The following BHLHE22 variants were observed in gnomAD, a reference collection of about 807,000 sequenced individuals.
The protein encoded by BHLHE22 is class E basic helix-loop-helix protein 22.
Under a neutral mutation model 17.6 loss-of-function variants are expected in BHLHE22, and 8 were observed. The ratio of observed to expected loss-of-function variants is 0.45; its 90% CI spans 0.27 to 0.82. The LOEUF is 0.82. Ranked by LOEUF, BHLHE22 falls within the 40% of genes least tolerant of loss-of-function variation. The probability of loss-of-function intolerance (pLI) is 0.16; values close to 1 mark genes in which losing one functional copy is unlikely to be tolerated. For missense variants in BHLHE22, 570 were observed against 581.5 expected, an observed-to-expected ratio of 0.98 and a Z score of 0.20; for synonymous variants, 353 against 282.7, an observed-to-expected ratio of 1.25 and a Z score of -2.49.
Position 64,580,477 on chromosome 8 carries a change from AGCG to A in BHLHE22, c.-299_-297del, listed in dbSNP as rs578248465. Reference sequence around the variant, plus strand: ...AGAGGAGGCGCGGGGCTGGGCTCAGAGCGGCGGCGGCGGCGGCTCCACTCCCTC... The same window carrying A: ...AGAGGAGGCGCGGGGCTGGGCTCAGAGCGGCGGCGGCGGCTCCACTCCCTC... On this transcript the variant is annotated 5_prime_UTR_variant, in exon 1 of 1. Coordinates refer to ENST00000321870, the MANE Select transcript of BHLHE22 (RefSeq NM_152414.5). The A allele has an allele frequency of 1.9e-3, 302 of 155,892 alleles. 3 individuals are homozygous for A. Among genetic ancestry groups the A allele is most frequent in the Admixed American group, 0.017 (263 of 15,302 alleles). 9.7% of individuals were successfully genotyped at this position (155,892 alleles called of 1,614,324 possible).
rs1804916715 is a variant in BHLHE22 at position 64,582,346 on chromosome 8, C to G, written c.*410C>G. On this transcript the variant is annotated 3_prime_UTR_variant, in exon 1 of 1. Coordinates refer to ENST00000321870, the MANE Select transcript of BHLHE22 (RefSeq NM_152414.5). ...ATCCTACTAATAATTGTGGATTTGG[C>G]TAGTGCTGAGGGGGAGAGGAGGGGT... The G allele has an allele frequency of 8.1e-6, 2 of 245,682 alleles. No individual in the cohort carries two copies. The highest frequency in any genetic ancestry group is 1.7e-5 in the Non-Finnish European group (2 of 121,046). 15.2% of individuals were successfully genotyped at this position (245,682 alleles called of 1,614,324 possible).
chr8:64,582,087 A>C lies in BHLHE22; in HGVS notation c.*151A>C. 1 of 964,604 alleles carries C rather than the reference A, an allele frequency of 1.0e-6. No individual in the cohort carries two copies. Among genetic ancestry groups the C allele is most frequent in the Non-Finnish European group, 1.5e-6 (1 of 652,516 alleles). The allele number at this position is 964,604 out of a possible 1,614,324, so 59.8% of individuals were successfully genotyped here. On this transcript the variant is annotated 3_prime_UTR_variant, in exon 1 of 1. Coordinates refer to ENST00000321870, the MANE Select transcript of BHLHE22 (RefSeq NM_152414.5). ...AGAACTGAGGAGAAGTATCAGAGAC[A>C]AACGGGACTTTTAGCCTTGACATCC...
At position 64,581,742 on chromosome 8, in the gene BHLHE22, G is replaced by T; in HGVS notation, c.952G>T (p.Ala318Ser). ...AYLNQGQAIS[A>S]ASLPSSAAAA... The stretch of plus-strand genomic sequence containing the variant: ...CCTCAACCAGGGCCAGGCCATCTCG[G>T]CTGCCTCCCTGCCCAGCTCGGCGGC... Residue 318 changes from alanine to serine, a missense_variant, in exon 1 of 1, where the codon GCT (alanine) becomes TCT (serine). Transcript: ENST00000321870. This position sits in a 1 kb window ranked among gnomAD's most constrained non-coding sequence, Gnocchi z 6.4. 1 of 1,601,150 alleles carries T rather than the reference G, an allele frequency of 6.2e-7. No individual in the cohort carries two copies. Among genetic ancestry groups the T allele is most frequent in the Non-Finnish European group, 8.5e-7 (1 of 1,175,600 alleles).
Position 64,581,865 on chromosome 8 carries a change from T to G in BHLHE22, c.1075T>G (p.Cys359Gly). ...FSAGLPPAAS[C>G]PEKCALFNSV... is the part of the protein sequence containing the mutation. ...CGCCGGACTGCCCCCGGCTGCCTCC[T>G]GCCCGGAGAAGTGCGCCCTGTTTAA... Residue 359 changes from cysteine to glycine, a missense_variant, in exon 1 of 1, where the codon TGC becomes GGC. Physicochemically the swap from Cys to Gly is radical, Grantham distance 159. Transcript: ENST00000321870. The surrounding 1 kb of genome is among the most constrained non-coding windows in gnomAD (Gnocchi z 6.4). The G allele has an allele frequency of 6.2e-7, 1 of 1,609,068 alleles. No individual in the cohort carries two copies. Among genetic ancestry groups the G allele is most frequent in the Non-Finnish European group, 8.5e-7 (1 of 1,179,534 alleles).
chr8:64,581,550 C>A lies in BHLHE22; in HGVS notation c.760C>A (p.Arg254=). Residue 254 remains arginine, a synonymous_variant, in exon 1 of 1, where the codon CGG becomes AGG. Transcript: ENST00000321870. This position sits in a 1 kb window ranked among gnomAD's most constrained non-coding sequence, Gnocchi z 6.4. The part of the protein sequence containing the change: ...RLNINARERR[R]MHDLNDALDE... ...TAACATCAATGCCCGAGAGCGCCGGCGGATGCACGACCTGAACGACGCGCT... is the reference window on the plus strand; with the variant it reads ...TAACATCAATGCCCGAGAGCGCCGGAGGATGCACGACCTGAACGACGCGCT... 1.2e-6 allele frequency: 2 copies of A among 1,610,568 alleles called. No individual in the cohort carries two copies. The highest frequency in any genetic ancestry group is 1.3e-5 in the African/African-American group (1 of 75,056).
chr8:64,581,627 G>A lies in BHLHE22; in HGVS notation c.837G>A (p.Lys279=). The change falls in exon 1 of 1, where the codon AAG becomes AAA. Residue 279 remains lysine, a synonymous_variant. Transcript: ENST00000321870. The surrounding 1 kb of genome is among the most constrained non-coding windows in gnomAD (Gnocchi z 6.4). The part of the protein sequence containing the change: ...IPYAHSPSVR[K]LSKIATLLLA... ...ACGCGCACAGCCCCTCGGTGCGAAA[G>A]CTCTCCAAGATCGCCACGCTGCTGC... The A allele has an allele frequency of 1.2e-6, 2 of 1,613,298 alleles. No homozygotes were observed. The highest frequency in any genetic ancestry group is 1.7e-6 in the Non-Finnish European group (2 of 1,179,874).
rs780535265 is a variant in BHLHE22 at position 64,581,756 on chromosome 8, C to T, written c.966C>T (p.Pro322=). The T allele has an allele frequency of 5.9e-5, 94 of 1,597,838 alleles. No individual in the cohort carries two copies. Among genetic ancestry groups the T allele is most frequent in the Admixed American group, 1.9e-4 (11 of 58,568 alleles). Residue 322 remains proline (P), a synonymous_variant, in exon 1 of 1, where the codon CCC becomes CCT. Coordinates refer to ENST00000321870, the MANE Select transcript of BHLHE22 (RefSeq NM_152414.5). This position sits in a 1 kb window ranked among gnomAD's most constrained non-coding sequence, Gnocchi z 6.4. ...QGQAISAASL[P]SSAAAAAAAA... ...AGGCCATCTCGGCTGCCTCCCTGCC[C>T]AGCTCGGCGGCTGCAGCGGCAGCAG...
rs1554581651 is a variant in BHLHE22, at chr8:64,581,463, G to GGCAGCGGCA, written c.678_679insGGCAGCAGC (p.Ser226_Ser227insGlySerSer). 1 of 1,450,642 alleles carries GGCAGCGGCA rather than the reference G, an allele frequency of 6.9e-7. No homozygotes were observed. The highest frequency in any genetic ancestry group is 1.5e-5 in the African/African-American group (1 of 68,722). The allele number at this position is 1,450,642 out of a possible 1,614,324, so 89.9% of individuals were successfully genotyped here. A position where few individuals can be genotyped will look rare whatever the true frequency, so the allele number is the denominator to read the frequency against. Reference sequence around the variant, plus strand: ...TGGCGGTAGCGGTAGCGGCAGCGGCGGCAGCAGCAGCAGCAGCAGCAGCAG... The same window carrying GGCAGCGGCA: ...TGGCGGTAGCGGTAGCGGCAGCGGCGGCAGCGGCAGCAGCAGCAGCAGCAGCAGCAGCAG... On this transcript the variant is annotated inframe_insertion, in exon 1 of 1. Transcript: ENST00000321870. This position sits in a 1 kb window ranked among gnomAD's most constrained non-coding sequence, Gnocchi z 6.4.
At position 64,582,299 on chromosome 8, in the gene BHLHE22, G is replaced by GT; in HGVS notation, c.*364dup. ...AGTGCTTGGTTATTAAGCCTGGAGAGTGTTTGAATGGCAAAATACTAATCC... is the reference window on the plus strand; with the variant it reads ...AGTGCTTGGTTATTAAGCCTGGAGAGTTGTTTGAATGGCAAAATACTAATCC... On this transcript the variant is annotated 3_prime_UTR_variant, in exon 1 of 1. Coordinates refer to ENST00000321870, the MANE Select transcript of BHLHE22 (RefSeq NM_152414.5). 3.1e-6 allele frequency: 1 copy of GT among 322,900 alleles called. No individual in the cohort carries two copies. Among genetic ancestry groups the GT allele is most frequent in the Non-Finnish European group, 6.0e-6 (1 of 166,302 alleles). The allele number at this position is 322,900 out of a possible 1,614,324, so 20.0% of individuals were successfully genotyped here.
rs1804895750 is a variant in BHLHE22 at position 64,581,400 on chromosome 8, G to A, written c.610G>A (p.Gly204Ser). The A allele has an allele frequency of 6.6e-7, 1 of 1,526,142 alleles. No individual in the cohort carries two copies. The highest frequency in any genetic ancestry group is 8.8e-7 in the Non-Finnish European group (1 of 1,142,298). The allele number at this position is 1,526,142 out of a possible 1,614,324, so 94.5% of individuals were successfully genotyped here. A position where few individuals can be genotyped will look rare whatever the true frequency, so the allele number is the denominator to read the frequency against. ...CCCCCCGGGGGGCCTGGGCGGCGGC[G>A]GCGGCGGGGGTAGCAGCAGCGGTAG... ...SVPPGGLGGG[G>S]GGGSSSGSSG... The change falls in exon 1 of 1, where the codon GGC becomes AGC. Residue 204 changes from glycine to serine, a missense_variant. Physicochemically the swap from Gly to Ser is moderately conservative, Grantham distance 56. This residue lies in a region of BHLHE22 where 427 missense variants were observed against 376.2 expected (regional missense o/e 1.14). Coordinates refer to ENST00000321870, the MANE Select transcript of BHLHE22 (RefSeq NM_152414.5). The surrounding 1 kb of genome is among the most constrained non-coding windows in gnomAD (Gnocchi z 6.4).
In BHLHE22 at chr8:64,580,986, G is replaced by A. The variant is rs904962255; in HGVS notation, c.196G>A (p.Glu66Lys). 2 of 1,359,748 alleles carry A rather than the reference G, an allele frequency of 1.5e-6. No homozygotes were observed. Among genetic ancestry groups the A allele is most frequent in the South Asian group, 3.9e-5 (2 of 51,410 alleles). The allele number at this position is 1,359,748 out of a possible 1,614,324, so 84.2% of individuals were successfully genotyped here. ...CTCCTCGTCGCCCCTGGGCTGCTTC[G>A]AGCCGGCTGACCCCGAGGGGGCAGG... Reference protein sequence around the residue: ...SSSSSPLGCFEPADPEGAGLL... With the variant: ...SSSSSPLGCFKPADPEGAGLL... Residue 66 changes from glutamate (E) to lysine (K), a missense_variant, in exon 1 of 1, where the codon GAG becomes AAG. Physicochemically the swap from Glu to Lys is moderately conservative, Grantham distance 56 (BLOSUM62 1). Coordinates refer to ENST00000321870, the MANE Select transcript of BHLHE22 (RefSeq NM_152414.5).
chr8:64,581,655 G>T lies in BHLHE22; in HGVS notation c.865G>T (p.Ala289Ser), dbSNP rs1804905209. The part of the protein sequence containing the change: ...KLSKIATLLL[A>S]KNYILMQAQA... Reference sequence around the variant, plus strand: ...CTCCAAGATCGCCACGCTGCTGCTCGCCAAGAACTACATCCTCATGCAGGC... The same window carrying T: ...CTCCAAGATCGCCACGCTGCTGCTCTCCAAGAACTACATCCTCATGCAGGC... Residue 289 changes from alanine (A) to serine (S), a missense_variant, in exon 1 of 1, where the codon GCC (alanine) becomes TCC (serine). Coordinates refer to ENST00000321870, the MANE Select transcript of BHLHE22 (RefSeq NM_152414.5). This position sits in a 1 kb window ranked among gnomAD's most constrained non-coding sequence, Gnocchi z 6.4. 2 of 1,612,936 alleles carry T rather than the reference G, an allele frequency of 1.2e-6. No homozygotes were observed. The highest frequency in any genetic ancestry group is 1.7e-6 in the Non-Finnish European group (2 of 1,179,818).
At position 64,582,071 on chromosome 8, in the gene BHLHE22, G is replaced by A. The variant is rs1182147198; in HGVS notation, c.*135G>A. 2.9e-6 allele frequency: 3 copies of A among 1,019,436 alleles called. No individual in the cohort carries two copies. The highest frequency in any genetic ancestry group is 3.0e-5 in the South Asian group (2 of 67,278). 63.1% of individuals were successfully genotyped at this position (1,019,436 alleles called of 1,614,324 possible). A position where few individuals can be genotyped will look rare whatever the true frequency, so the allele number is the denominator to read the frequency against. ...AAACAAAGCAGAGGCAAGAACTGAGGAGAAGTATCAGAGACAAACGGGACT... is the reference window on the plus strand; with the variant it reads ...AAACAAAGCAGAGGCAAGAACTGAGAAGAAGTATCAGAGACAAACGGGACT... On this transcript the variant is annotated 3_prime_UTR_variant, in exon 1 of 1. Transcript: ENST00000321870.
Position 64,581,225 on chromosome 8 carries a change from G to A in BHLHE22, c.435G>A (p.Glu145=), listed in dbSNP as rs1804890866. The part of the protein sequence containing the change: ...RGSVAESSGG[E]QSPDDDSDGR... ...CGGTGGCCGAGAGCAGCGGCGGCGA[G>A]CAGAGCCCCGACGACGACAGCGACG... Residue 145 remains glutamate, a synonymous_variant, in exon 1 of 1, where the codon GAG becomes GAA. Transcript: ENST00000321870. This position sits in a 1 kb window ranked among gnomAD's most constrained non-coding sequence, Gnocchi z 6.4. The A allele has an allele frequency of 6.9e-7, 1 of 1,455,164 alleles. No homozygotes were observed. Among genetic ancestry groups the A allele is most frequent in the Non-Finnish European group, 9.0e-7 (1 of 1,115,298 alleles). 90.1% of individuals were successfully genotyped at this position (1,455,164 alleles called of 1,614,324 possible). A position where few individuals can be genotyped will look rare whatever the true frequency, so the allele number is the denominator to read the frequency against.
In BHLHE22 at chr8:64,580,853, G is replaced by A; in HGVS notation, c.63G>A (p.Lys21=). 6.7e-7 allele frequency: 1 copy of A among 1,503,656 alleles called. No homozygotes were observed. Among genetic ancestry groups the A allele is most frequent in the Non-Finnish European group, 8.8e-7 (1 of 1,135,168 alleles). 93.1% of individuals were successfully genotyped at this position (1,503,656 alleles called of 1,614,324 possible). A position where few individuals can be genotyped will look rare whatever the true frequency, so the allele number is the denominator to read the frequency against. ...AAGEDDLFLH[K]SLSASTSKRL... ...GCGAGGACGACCTCTTCCTGCACAA[G>A]AGCCTGAGCGCCTCCACCTCCAAGC... Residue 21 remains lysine, a synonymous_variant, in exon 1 of 1, where the codon AAG becomes AAA. Coordinates refer to ENST00000321870, the MANE Select transcript of BHLHE22 (RefSeq NM_152414.5).
chr8:64,581,265 G>C lies in BHLHE22; in HGVS notation c.475G>C (p.Val159Leu). Residue 159 changes from valine to leucine, a missense_variant, in exon 1 of 1, where the codon GTG becomes CTG. Physicochemically the swap from Val to Leu is conservative, Grantham distance 32. This residue lies in a region of BHLHE22 where 427 missense variants were observed against 376.2 expected (regional missense o/e 1.14). Coordinates refer to ENST00000321870, the MANE Select transcript of BHLHE22 (RefSeq NM_152414.5). The surrounding 1 kb of genome is among the most constrained non-coding windows in gnomAD (Gnocchi z 6.4). ...CGACAGCGACGGTCGCTGCGAGCTC[G>C]TGCTGCGGGCCGGAGTAGCCGACCC... ...DDDSDGRCEL[V>L]LRAGVADPRA... 1.4e-6 allele frequency: 2 copies of C among 1,448,174 alleles called. No individual in the cohort carries two copies. Among genetic ancestry groups the C allele is most frequent in the Non-Finnish European group, 1.8e-6 (2 of 1,113,160 alleles). The allele number at this position is 1,448,174 out of a possible 1,614,324, so 89.7% of individuals were successfully genotyped here.
rs543941490 is a variant in BHLHE22, at chr8:64,581,648, G to T, written c.858G>T (p.Leu286=). 7 of 1,613,208 alleles carry T rather than the reference G, an allele frequency of 4.3e-6. No individual in the cohort carries two copies. In the South Asian group the frequency reaches 7.7e-5, roughly 18 times the overall value. ...GAAAGCTCTCCAAGATCGCCACGCT[G>T]CTGCTCGCCAAGAACTACATCCTCA... ...SVRKLSKIAT[L]LLAKNYILMQ... Residue 286 remains leucine (L), a synonymous_variant, in exon 1 of 1, where the codon CTG becomes CTT. Transcript: ENST00000321870. This position sits in a 1 kb window ranked among gnomAD's most constrained non-coding sequence, Gnocchi z 6.4.
chr8:64,581,869 C>T lies in BHLHE22; in HGVS notation c.1079C>T (p.Pro360Leu), dbSNP rs180818429. The change falls in exon 1 of 1, where the codon CCG (proline) becomes CTG (leucine). Residue 360 changes from proline to leucine, a missense_variant. This residue lies in a region of BHLHE22 where 111 missense variants were observed against 122.0 expected (regional missense o/e 0.91). Transcript: ENST00000321870. The surrounding 1 kb of genome is among the most constrained non-coding windows in gnomAD (Gnocchi z 6.4). Reference sequence around the variant, plus strand: ...GGACTGCCCCCGGCTGCCTCCTGCCCGGAGAAGTGCGCCCTGTTTAACAGC... The same window carrying T: ...GGACTGCCCCCGGCTGCCTCCTGCCTGGAGAAGTGCGCCCTGTTTAACAGC... The part of the protein sequence containing the change: ...SAGLPPAASC[P>L]EKCALFNSVS... The T allele has an allele frequency of 1.9e-6, 3 of 1,608,942 alleles. No homozygotes were observed. Among genetic ancestry groups the T allele is most frequent in the African/African-American group, 2.7e-5 (2 of 74,868 alleles).
In BHLHE22 at chr8:64,581,271, C is replaced by G; in HGVS notation, c.481C>G (p.Arg161Gly). The change falls in exon 1 of 1, where the codon CGG becomes GGG. Residue 161 changes from arginine (R) to glycine (G), a missense_variant. Coordinates refer to ENST00000321870, the MANE Select transcript of BHLHE22 (RefSeq NM_152414.5). This position sits in a 1 kb window ranked among gnomAD's most constrained non-coding sequence, Gnocchi z 6.4. ...CGACGGTCGCTGCGAGCTCGTGCTG[C>G]GGGCCGGAGTAGCCGACCCGCGGGC... ...DSDGRCELVLRAGVADPRASP... is the reference protein window; with the variant it reads ...DSDGRCELVLGAGVADPRASP... 6.9e-7 allele frequency: 1 copy of G among 1,442,508 alleles called. No homozygotes were observed. The highest frequency in any genetic ancestry group is 9.0e-7 in the Non-Finnish European group (1 of 1,110,186). 89.4% of individuals were successfully genotyped at this position (1,442,508 alleles called of 1,614,324 possible). A position where few individuals can be genotyped will look rare whatever the true frequency, so the allele number is the denominator to read the frequency against.
Sources: allele counts gnomAD v4.1 joint callset, GRCh38; gene constraint gnomAD v4.1.1; regional missense constraint gnomAD v4.1.1; non-coding constraint Gnocchi (gnomAD v3.1); transcripts MANE v1.5; gene names NCBI Gene and HGNC (gene_info 2026-07-23, HGNC 2026-07-21).